The following VCAN variants were observed in gnomAD, a reference collection of about 807,000 sequenced individuals.
VCAN encodes the protein versican core protein.
Under a neutral mutation model 245.5 loss-of-function variants are expected in VCAN, and 44 were observed. The ratio of observed to expected loss-of-function variants is 0.18; its 90% CI spans 0.14 to 0.23. The LOEUF is 0.23. Ranked by LOEUF, VCAN falls within the 10% of genes least tolerant of loss-of-function variation. VCAN has a pLI of 1.00. For synonymous variants in VCAN, 1,413 were observed against 1,437.0 expected (o/e 0.98, Z 0.38); for missense variants, 3,793 against 4,057.9 (o/e 0.93, Z 1.77).
chr5:83,510,720 C>G (rs942614364), intron 5 of VCAN, among the ~76,000 whole-genome samples: 10 of 152,224 alleles, frequency 6.6e-5, no homozygotes, highest in Non-Finnish European at 7.3e-5. Flanking sequence ...TTAACAAACT[C>G]TGAAGTTTCC....
chr5:83,480,680 T>C (rs1744583849), intron 1 of VCAN, among the ~76,000 whole-genome samples: 1 of 152,210 alleles, frequency 6.6e-6, no homozygotes, highest in South Asian at 2.1e-4. Flanking sequence ...AGAAGCCTAC[T>C]GTTCTACAGA....
At chr5:83,511,558 G>T (rs1409094406) in intron 5 of VCAN, among the ~76,000 whole-genome samples, 2 of 151,728 alleles carry the variant, frequency 1.3e-5, no homozygotes, top group South Asian at 4.2e-4. Context: ...TCACATTTCT[G>T]GAGGTTTTCT....
At chr5:83,507,911 T>G (rs1263832695) in intron 5 of VCAN, among the ~76,000 whole-genome samples, 1 of 152,212 alleles carries the variant, frequency 6.6e-6, no homozygotes, top group African/African-American at 2.4e-5. Context: ...ATGTTTAGCT[T>G]AAAAACTGCA....
rs186193370 is a variant in VCAN, at chr5:83,505,312, A to G, written c.749-6791A>G. ...TAGGAGCCTGTAAAAATCAAAAGCA[A>G]ACTAGTTACTTCCTAGATACAATGG... On this transcript the variant is annotated intron_variant, in intron 5 of 14. Coordinates refer to ENST00000265077, the MANE Select transcript of VCAN (RefSeq NM_004385.5). 2.7e-3 allele frequency among the ~76,000 whole-genome samples: 417 copies of G among 152,278 alleles called. 3 individuals are homozygous for G. The highest frequency in any genetic ancestry group is 7.5e-3 in the South Asian group (36 of 4,826).
At chr5:83,546,122 C>T (rs1195650677) in intron 9 of VCAN, among the ~76,000 whole-genome samples, 1 of 152,010 alleles carries the variant, frequency 6.6e-6, no homozygotes, top group Non-Finnish European at 1.5e-5. Flanking sequence ...AGCAACCAGC[C>T]CAACGTGCCT....
At chr5:83,482,123 C>A (rs530350795) in intron 1 of VCAN, among the ~76,000 whole-genome samples, 1 of 152,324 alleles carries the variant, frequency 6.6e-6, no homozygotes, top group South Asian at 2.1e-4. Flanking sequence ...CACTCTAGGT[C>A]TAATCCTTAA....
intron 1 of VCAN, among the ~76,000 whole-genome samples, chr5:83,475,777 T>A (rs1384814156): frequency 1.3e-5 from 2 of 152,224 alleles, no homozygotes; most frequent in Non-Finnish European, 2.9e-5. Context: ...CAGTCCTTAA[T>A]CTTCTTGTGA....
At chr5:83,565,419 G>GTGTGTGTGTA (rs1748040919) in intron 12 of VCAN, among the ~76,000 whole-genome samples, 1 of 134,656 alleles carries the variant, frequency 7.4e-6, no homozygotes, top group Non-Finnish European at 1.6e-5. Context: ...GTGTGTGTGT[G>GTGTGTGTGTA]TGTGTGTATG....
At chr5:83,511,015 G>A (rs1298518354) in intron 5 of VCAN, among the ~76,000 whole-genome samples, 3 of 152,122 alleles carry the variant, frequency 2.0e-5, no homozygotes, top group Non-Finnish European at 4.4e-5. Context: ...TTGGGAGGCT[G>A]AGGCAGGAGA....
chr5:83,471,815 C>T lies in VCAN; in HGVS notation c.-215C>T. ...ACTCCAGGCGTGCGGACGCAACAGC[C>T]GAGAACATTAGGTGTTGTGGACAGG... On this transcript the variant is annotated 5_prime_UTR_variant, in exon 1 of 15. Transcript: ENST00000265077. The T allele has an allele frequency of 2.5e-6, 1 of 398,624 alleles. No individual in the cohort carries two copies. Among genetic ancestry groups the T allele is most frequent in the Non-Finnish European group, 4.4e-6 (1 of 226,122 alleles). 24.7% of individuals were successfully genotyped at this position (398,624 alleles called of 1,614,324 possible). A position where few individuals can be genotyped will look rare whatever the true frequency, so the allele number is the denominator to read the frequency against.
At chr5:83,518,962 G>A (rs538866551) in intron 6 of VCAN, among the ~76,000 whole-genome samples, 1 of 152,272 alleles carries the variant, frequency 6.6e-6, no homozygotes, top group African/African-American at 2.4e-5. Flanking sequence ...ATTCTCCTGC[G>A]AGGCTTCAAG....
At chr5:83,484,220 T>C (rs1744713786) in intron 2 of VCAN, among the ~76,000 whole-genome samples, 1 of 152,200 alleles carries the variant, frequency 6.6e-6, no homozygotes, top group Admixed American at 6.5e-5. Context: ...CATTTCTTCC[T>C]CACACTTATA....
chr5:83,520,761 G>T lies in VCAN; in HGVS notation c.2455G>T (p.Glu819Ter). ...AACATCCAAGCCTTTAGAGTCTACA[G>T]AACCTTCAGCCTCTTCAAAATTGCC... ...NTTSKPLEST[E>*]PSASSKLPPA... Residue 819 changes from glutamate to a stop codon, truncating the protein, a stop_gained, in exon 7 of 15, where the codon GAA becomes TAA. Coordinates refer to ENST00000265077, the MANE Select transcript of VCAN (RefSeq NM_004385.5). LOFTEE classifies it high-confidence loss of function. 2 of 1,614,106 alleles carry T rather than the reference G, an allele frequency of 1.2e-6. No homozygotes were observed. The highest frequency in any genetic ancestry group is 1.7e-6 in the Non-Finnish European group (2 of 1,179,984).
At position 83,572,437 on chromosome 5, in the gene VCAN, A is replaced by G. The variant is rs1348511666; in HGVS notation, c.9757A>G (p.Asn3253Asp). 1 of 1,613,958 alleles carries G rather than the reference A, an allele frequency of 6.2e-7. No individual in the cohort carries two copies. The highest frequency in any genetic ancestry group is 1.3e-5 in the African/African-American group (1 of 75,052). The change falls in exon 13 of 15, where the codon AAC (asparagine) becomes GAC (aspartate). Residue 3253 changes from asparagine (N) to aspartate (D), a missense_variant. Physicochemically the swap from Asn to Asp is conservative, Grantham distance 23. Transcript: ENST00000265077. The part of the protein sequence containing the change: ...STLQYENWRP[N>D]QPDSFFSAGE... ...ACAGCAATACGAGAATTGGAGACCC[A>G]ACCAGCCAGACAGCTTCTTTTCTGC...
At position 83,540,370 on chromosome 5, in the gene VCAN, G is replaced by A; in HGVS notation, c.7367G>A (p.Ser2456Asn). 4 of 1,614,036 alleles carry A rather than the reference G, an allele frequency of 2.5e-6. No homozygotes were observed. The highest frequency in any genetic ancestry group is 3.4e-6 in the Non-Finnish European group (4 of 1,179,958). ...ATTQATRQES[S>N]TTFVSDGSLE... Reference sequence around the variant, plus strand: ...ACTCAGGCAACCAGACAAGAAAGCAGCACCACATTTGTTTCTGATGGGTCC... The same window carrying A: ...ACTCAGGCAACCAGACAAGAAAGCAACACCACATTTGTTTCTGATGGGTCC... The change falls in exon 8 of 15, where the codon AGC becomes AAC. Residue 2456 changes from serine to asparagine, a missense_variant. By Grantham distance (46) the Ser-to-Asn change is conservative. Coordinates refer to ENST00000265077, the MANE Select transcript of VCAN (RefSeq NM_004385.5).
rs573332559 is a variant in VCAN, at chr5:83,483,564, A to T, written c.46A>T (p.Ile16Leu). 1 of 1,613,518 alleles carries T rather than the reference A, an allele frequency of 6.2e-7. No individual in the cohort carries two copies. Among genetic ancestry groups the T allele is most frequent in the African/African-American group, 1.3e-5 (1 of 75,018 alleles). Residue 16 changes from isoleucine (I) to leucine (L), a missense_variant, in exon 2 of 15, where the codon ATA becomes TTA. Coordinates refer to ENST00000265077, the MANE Select transcript of VCAN (RefSeq NM_004385.5). ...CATCTTATGGATGTGTTCAACCTTA[A>T]TAGTAACCCATGCGCTACATAAAGG... ...KSILWMCSTL[I>L]VTHALHKVKV...
At chr5:83,480,253 T>C (rs1580594018) in intron 1 of VCAN, among the ~76,000 whole-genome samples, 1 of 152,198 alleles carries the variant, frequency 6.6e-6, no homozygotes, top group East Asian at 1.9e-4. Flanking sequence ...GTTGTACCTA[T>C]GTAGATGGAG....
intron 5 of VCAN, among the ~76,000 whole-genome samples, chr5:83,500,422 G>T (rs1745296948): frequency 6.6e-6 from 1 of 152,132 alleles, no homozygotes; most frequent in East Asian, 1.9e-4. Context: ...CAGCATGGTG[G>T]GAGCACCTCT....
In VCAN at chr5:83,520,995, T is replaced by G. The variant is rs371833484; in HGVS notation, c.2689T>G (p.Leu897Val). Reference protein sequence around the residue: ...TSTGIAEKSTLRDSTTEEKVP... With the variant: ...TSTGIAEKSTVRDSTTEEKVP... ...AACTGGTATTGCAGAAAAGTCAACT[T>G]TGAGAGATTCTACAACTGAAGAAAA... The change falls in exon 7 of 15, where the codon TTG becomes GTG. Residue 897 changes from leucine (L) to valine (V), a missense_variant. Leu to Val is a conservative substitution (Grantham distance 32). This residue lies in a region of VCAN where 3,182 missense variants were observed against 3,250.3 expected (regional missense o/e 0.98). Transcript: ENST00000265077. The G allele has an allele frequency of 6.2e-7, 1 of 1,613,916 alleles. No individual in the cohort carries two copies. The highest frequency in any genetic ancestry group is 8.5e-7 in the Non-Finnish European group (1 of 1,179,948).
Sources: gnomAD v4.1 joint callset for allele counts (sites outside exome capture counted in the v4.1 genomes callset) on GRCh38, gnomAD v4.1.1 for gene constraint, gnomAD v4.1.1 regional missense constraint, MANE v1.5 for transcripts, NCBI Gene and HGNC (gene_info 2026-07-23, HGNC 2026-07-21) for gene names.